EFCAB13: variants seen among roughly 807,000 people sequenced by gnomAD.
The protein encoded by EFCAB13 is EF-hand calcium-binding domain-containing protein 13.
EFCAB13 carries 91 observed loss-of-function variants against 110.2 expected under a neutral mutation model. That is an observed-to-expected ratio of 0.83 (90% CI 0.70 to 0.98). The LOEUF (loss-of-function observed/expected upper bound fraction) is 0.98, where lower values mean the gene tolerates loss of function less well. EFCAB13 is among the 50% of genes least tolerant of loss of function. The pLI is 0.00. For synonymous variants in EFCAB13, 323 were observed against 369.9 expected (o/e 0.87, Z 1.45); for missense variants, 968 against 1,119.4 (o/e 0.86, Z 1.93).
chr17:47,370,923 TAG>T (rs1429342268), intron 11 of EFCAB13, among the ~76,000 whole-genome samples: 2 of 151,680 alleles, frequency 1.3e-5, no homozygotes, highest in Non-Finnish European at 2.9e-5. Flanking sequence ...GTATTTTTAG[TAG>T]AGAGAGGGTT....
chr17:47,410,974 T>C (rs933526304), intron 21 of EFCAB13, among the ~76,000 whole-genome samples: 1 of 152,206 alleles, frequency 6.6e-6, no homozygotes, highest in Non-Finnish European at 1.5e-5. Context: ...ATTTGATTAA[T>C]ATCTCTTCCT....
Position 47,335,318 on chromosome 17 carries a change from A to T in EFCAB13, c.153A>T (p.Ser51=), listed in dbSNP as rs776142992. ...KFSKTIEKEI[S]PEIRSLSPEY... ...CTAAAACAATAGAGAAGGAAATTTCACCGGAAATTAGGAGTTTGAGCCCAG... is the reference window on the plus strand; with the variant it reads ...CTAAAACAATAGAGAAGGAAATTTCTCCGGAAATTAGGAGTTTGAGCCCAG... Residue 51 remains serine, a synonymous_variant, in exon 5 of 25, where the codon TCA becomes TCT. Transcript: ENST00000331493. 6.2e-7 allele frequency: 1 copy of T among 1,606,486 alleles called. No individual in the cohort carries two copies. Among genetic ancestry groups the T allele is most frequent in the Non-Finnish European group, 8.5e-7 (1 of 1,177,936 alleles).
chr17:47,384,703 G>A (rs2065666819), intron 14 of EFCAB13, among the ~76,000 whole-genome samples: 1 of 151,998 alleles, frequency 6.6e-6, no homozygotes, highest in Non-Finnish European at 1.5e-5. Flanking sequence ...TTTCTGCAGA[G>A]AGATCTGCTG....
chr17:47,396,865 T>A (rs1046806170), intron 17 of EFCAB13, among the ~76,000 whole-genome samples: 4 of 152,220 alleles, frequency 2.6e-5, no homozygotes, highest in African/African-American at 9.7e-5. Flanking sequence ...ATAGATTTTC[T>A]TCCCTTTTTC....
Position 47,377,807 on chromosome 17 carries a change from A to T in EFCAB13, c.1414A>T (p.Ile472Phe). 6.3e-7 allele frequency: 1 copy of T among 1,589,448 alleles called. No homozygotes were observed. The highest frequency in any genetic ancestry group is 8.5e-7 in the Non-Finnish European group (1 of 1,173,764). ...EAISKLQENY[I>F]AAEELQSILP... ...TATCAGTAAACTTCAAGAAAATTAC[A>T]TTGCAGCAGAAGAACTTCAGTCTAT... is the stretch of plus-strand genomic sequence containing the variant. Residue 472 changes from isoleucine (I) to phenylalanine (F), a missense_variant, in exon 13 of 25, where the codon ATT becomes TTT. Ile to Phe is a conservative substitution (Grantham distance 21). Transcript: ENST00000331493.
intron 16 of EFCAB13, 65 bp downstream of exon 16, chr17:47,394,164 C>G (rs974060640): frequency 2.0e-5 from 21 of 1,035,860 alleles, no homozygotes; most frequent in Admixed American, 2.7e-5. Context: ...TTTAGAAGAG[C>G]GTAAACACTC....
In EFCAB13 at chr17:47,326,236, C is replaced by T. The variant is rs2065285494; in HGVS notation, c.-237C>T. The T allele has an allele frequency of 6.6e-6, 1 of 151,956 alleles. No homozygotes were observed. Among genetic ancestry groups the T allele is most frequent in the Non-Finnish European group, 1.5e-5 (1 of 67,982 alleles). The allele number at this position is 151,956 out of a possible 1,614,324, so 9.4% of individuals were successfully genotyped here. A position where few individuals can be genotyped will look rare whatever the true frequency, so the allele number is the denominator to read the frequency against. On this transcript the variant is annotated 5_prime_UTR_variant, in exon 3 of 25. Coordinates refer to ENST00000331493, the MANE Select transcript of EFCAB13 (RefSeq NM_152347.5). ...ATTTTTTCTTTTAAGTTTGGAGAGG[C>T]TTATGCGGTACCTGATTCATCCAGC...
At chr17:47,371,059 G>GTTTTTTT in intron 11 of EFCAB13, among the ~76,000 whole-genome samples, 1 of 121,792 alleles carries the variant, frequency 8.2e-6, no homozygotes, top group Non-Finnish European at 1.8e-5. Flanking sequence ...GTTTTTAATG[G>GTTTTTTT]TTGTTTTTTT....
chr17:47,338,673 G>T (rs992128227), intron 5 of EFCAB13, among the ~76,000 whole-genome samples: 7 of 151,304 alleles, frequency 4.6e-5, no homozygotes, highest in African/African-American at 1.7e-4. Context: ...TATGTATATT[G>T]TACCTCAATA....
chr17:47,370,866 C>T (rs2065579501), intron 11 of EFCAB13, among the ~76,000 whole-genome samples: 1 of 151,174 alleles, frequency 6.6e-6, no homozygotes, highest in Non-Finnish European at 1.5e-5. Context: ...CTCAGCCTCC[C>T]AAGTAGCTGG....
chr17:47,396,009 A>G (rs891700450), intron 17 of EFCAB13, 32 bp downstream of exon 17: 1 of 1,550,102 alleles, frequency 6.5e-7, no homozygotes, highest in African/African-American at 1.4e-5. Context: ...ATTAAAAAGT[A>G]TACCAAGATA....
rs1441209608 is a variant in EFCAB13, at chr17:47,395,958, G to T, written c.1926G>T (p.Leu642Phe). The T allele has an allele frequency of 3.1e-6, 5 of 1,607,472 alleles. No individual in the cohort carries two copies. The highest frequency in any genetic ancestry group is 1.1e-5 in the South Asian group (1 of 90,054). The change falls in exon 17 of 25, where the codon TTG (leucine) becomes TTT (phenylalanine). Residue 642 changes from leucine (L) to phenylalanine (F), a missense_variant. Transcript: ENST00000331493. Reference protein sequence around the residue: ...NLKKDEFLAALELVTVDEGDK... With the variant: ...NLKKDEFLAAFELVTVDEGDK... ...AAAAGGATGAATTTCTAGCTGCATT[G>T]GAACTAGTGACAGTTGATGGTGAGT...
chr17:47,364,559 C>A (rs2143328317), intron 10 of EFCAB13, among the ~76,000 whole-genome samples: 1 of 152,288 alleles, frequency 6.6e-6, no homozygotes, highest in East Asian at 1.9e-4. Flanking sequence ...GATCCACCTG[C>A]CTTGGCCTCC....
In EFCAB13 at chr17:47,345,650, C is replaced by T. The variant is rs148161595; in HGVS notation, c.517+552C>T. ...ATAATTTTACCTTGATTCTCCTGAC[C>T]AACACTGATGGCCACAAATTACACA... On this transcript the variant is annotated intron_variant, in intron 8 of 24. Transcript: ENST00000331493. 4.3e-3 allele frequency among the ~76,000 whole-genome samples: 652 copies of T among 152,288 alleles called. 17 individuals carry two copies. The East Asian group carries it at 0.065, about 15-fold the overall frequency.
At chr17:47,402,092 C>G (rs376438902) in intron 17 of EFCAB13, 40 bp from the exon 18 acceptor site, 1 of 1,544,668 alleles carries the variant, frequency 6.5e-7, no homozygotes, top group South Asian at 1.1e-5. Context: ...CTGACTTTTG[C>G]GTAATGAGGT....
chr17:47,406,177 A>C (rs957770445), intron 20 of EFCAB13, among the ~76,000 whole-genome samples: 1 of 152,124 alleles, frequency 6.6e-6, no homozygotes, highest in African/African-American at 2.4e-5. Context: ...CAGTGGAGCA[A>C]TCTTGGCTCA....
chr17:47,434,084 G>T (rs781615800), intron 24 of EFCAB13, among the ~76,000 whole-genome samples: 2 of 151,950 alleles, frequency 1.3e-5, no homozygotes, highest in Non-Finnish European at 2.9e-5. Context: ...AAAAAATAAA[G>T]GGTATCCAAA....
intron 23 of EFCAB13, among the ~76,000 whole-genome samples, chr17:47,424,090 A>T (rs1904835763): frequency 6.6e-6 from 1 of 152,114 alleles, no homozygotes; most frequent in South Asian, 2.1e-4. Context: ...ACCCCGGTGG[A>T]TGCGTGGCTG....
chr17:47,429,058 C>T (rs920625781), intron 23 of EFCAB13, among the ~76,000 whole-genome samples: 18 of 152,234 alleles, frequency 1.2e-4, no homozygotes, highest in South Asian at 2.1e-4. Flanking sequence ...TGTCCTCTTA[C>T]ATCCAGCAAG....
Sources: allele counts gnomAD v4.1 joint callset (sites outside exome capture counted in the v4.1 genomes callset), GRCh38; gene constraint gnomAD v4.1.1; transcripts MANE v1.5; gene names NCBI Gene and HGNC (gene_info 2026-07-23, HGNC 2026-07-21).